FHIT: variants seen among roughly 807,000 people sequenced by gnomAD.
The protein encoded by FHIT is bis(5'-adenosyl)-triphosphatase.
A neutral mutation model predicts 17.9 loss-of-function variants in FHIT; 19 were observed. The observed-to-expected ratio is 1.06, with a 90% CI of 0.74 to 1.56. The LOEUF is 1.56. Among genes scored for constraint, FHIT ranks in the 40% most tolerant of loss-of-function variants. FHIT has a pLI of 0.00. For synonymous variants in FHIT, 81 were observed against 69.7 expected (o/e 1.16, Z -0.81); for missense variants, 248 against 189.2 (o/e 1.31, Z -1.82).
chr3:60,803,083 C>T (rs1447926), intron 4 of FHIT, among the ~76,000 whole-genome samples: 1 of 151,954 alleles, frequency 6.6e-6, no homozygotes, highest in Non-Finnish European at 1.5e-5. Context: ...CTTGCCATTT[C>T]TGGTGATCAG....
chr3:60,690,381 GA>G, intron 4 of FHIT: 2 of 576,614 alleles, frequency 3.5e-6, no homozygotes. Context: ...CAGGGCACAT[GA>G]AAAACTGGGA....
intron 5 of FHIT, among the ~76,000 whole-genome samples, chr3:60,059,329 G>A (rs1047852642): frequency 1.3e-5 from 2 of 152,098 alleles, no homozygotes; most frequent in African/African-American, 4.8e-5. Flanking sequence ...CCTCAGGTGG[G>A]CATACATACA....
intron 2 of FHIT, among the ~76,000 whole-genome samples, chr3:61,121,183 CAGG>C (rs2036446073): frequency 6.6e-6 from 1 of 152,108 alleles, no homozygotes; most frequent in Non-Finnish European, 1.5e-5. Flanking sequence ...GGATATTATC[CAGG>C]AGAACTTCCT....
chr3:60,448,554 G>T (rs1296576859), intron 5 of FHIT, among the ~76,000 whole-genome samples: 1 of 152,160 alleles, frequency 6.6e-6, no homozygotes, highest in African/African-American at 2.4e-5. Context: ...GGAAAATGAA[G>T]CAGAGAGTGG....
intron 5 of FHIT, among the ~76,000 whole-genome samples, chr3:60,392,407 A>T (rs953967253): frequency 2.0e-5 from 3 of 152,230 alleles, no homozygotes; most frequent in African/African-American, 7.2e-5. Flanking sequence ...ACCATGTCGA[A>T]TATGAAGCCT....
At chr3:60,555,858 G>A (rs1051632712) in intron 4 of FHIT, among the ~76,000 whole-genome samples, 12 of 152,182 alleles carry the variant, frequency 7.9e-5, no homozygotes, top group African/African-American at 2.7e-4. Context: ...GGACATTTCT[G>A]TCTGCAGGCA....
At chr3:60,370,610 A>T (rs1253439269) in intron 5 of FHIT, among the ~76,000 whole-genome samples, 1 of 152,098 alleles carries the variant, frequency 6.6e-6, no homozygotes, top group Non-Finnish European at 1.5e-5. Context: ...AGTCACCGAG[A>T]GGTGGACTTA....
In FHIT at chr3:61,132,790, G is replaced by C. The variant is rs184326071; in HGVS notation, c.-164+67827C>G. ...TTGAAAAGTCTTTGAAGCCATTCCA[G>C]AACGTTAAGATCTTACTCTGGAAGC... On this transcript the variant is annotated intron_variant, in intron 2 of 9. Coordinates refer to ENST00000492590, the MANE Select transcript of FHIT (RefSeq NM_002012.4). Among the ~76,000 whole-genome samples the C allele has an allele frequency of 5.9e-5, 9 of 152,248 alleles. No individual in the cohort carries two copies. The East Asian group carries it at 1.7e-3, about 29-fold the overall frequency.
chr3:60,939,360 G>T (rs1191455874), intron 3 of FHIT, among the ~76,000 whole-genome samples: 1 of 152,086 alleles, frequency 6.6e-6, no homozygotes, highest in African/African-American at 2.4e-5. Context: ...ATCATTAACA[G>T]CAGAGTTGAG....
intron 7 of FHIT, among the ~76,000 whole-genome samples, chr3:60,002,288 GTTT>G (rs1165894451): frequency 6.6e-6 from 1 of 152,048 alleles, no homozygotes; most frequent in Admixed American, 6.6e-5. Context: ...GTTTGTGTGT[GTTT>G]TTTTGTTTGT....
chr3:60,711,155 AC>A (rs2041519230), intron 4 of FHIT, among the ~76,000 whole-genome samples: 1 of 152,182 alleles, frequency 6.6e-6, no homozygotes, highest in Admixed American at 6.5e-5. Context: ...GCTGATACCC[AC>A]ACAAACAGGG....
chr3:59,959,950 T>C (rs1208430268), intron 7 of FHIT, among the ~76,000 whole-genome samples: 1 of 151,784 alleles, frequency 6.6e-6, no homozygotes, highest in African/African-American at 2.4e-5. Context: ...TATGTAGAGG[T>C]TCATGGAGGA....
chr3:60,871,256 T>C (rs1173776559), intron 3 of FHIT, among the ~76,000 whole-genome samples: 1 of 152,132 alleles, frequency 6.6e-6, no homozygotes, highest in Non-Finnish European at 1.5e-5. Flanking sequence ...GCCTTCACAG[T>C]GAAACTATAG....
chr3:60,001,879 C>A (rs1312465083), intron 7 of FHIT, among the ~76,000 whole-genome samples: 2 of 152,102 alleles, frequency 1.3e-5, no homozygotes, highest in Non-Finnish European at 2.9e-5. Flanking sequence ...TTACAACCAA[C>A]AGACGAATTT....
At chr3:60,779,829 C>A (rs748731089) in intron 4 of FHIT, among the ~76,000 whole-genome samples, 2 of 152,142 alleles carry the variant, frequency 1.3e-5, no homozygotes, top group Non-Finnish European at 2.9e-5. Context: ...CTGATTAAGC[C>A]AACCCCAAAC....
At position 60,541,060 on chromosome 3, in the gene FHIT, C is replaced by G. The variant is rs138467089; in HGVS notation, c.-17-4081G>C. 5.7e-3 allele frequency among the ~76,000 whole-genome samples: 866 copies of G among 152,266 alleles called. 8 individuals are homozygous for G. Among genetic ancestry groups the G allele is most frequent in the Non-Finnish European group, 6.0e-3 (410 of 68,020 alleles). ...GTCCAGGTGTTTCAGAACCACTGAC[C>G]AAACCCAACTATCCTCCCAATCCCT... On this transcript the variant is annotated intron_variant, in intron 4 of 9. Transcript: ENST00000492590.
chr3:60,771,206 G>C (rs1700029042), intron 4 of FHIT, among the ~76,000 whole-genome samples: 1 of 152,178 alleles, frequency 6.6e-6, no homozygotes, highest in African/African-American at 2.4e-5. Context: ...CTTTGGCTAA[G>C]TCAAAAGCCT....
At chr3:59,898,569 C>T (rs1272337646) in intron 8 of FHIT, among the ~76,000 whole-genome samples, 1 of 151,972 alleles carries the variant, frequency 6.6e-6, no homozygotes, top group African/African-American at 2.4e-5. Flanking sequence ...CATATTTGGG[C>T]TTGGCAACAA....
chr3:59,776,969 A>T (rs780368), intron 8 of FHIT, among the ~76,000 whole-genome samples: 2 of 152,008 alleles, frequency 1.3e-5, no homozygotes, highest in African/African-American at 4.8e-5. Flanking sequence ...CTCCCACCAC[A>T]CATGGAATAA....
Sources: allele counts gnomAD v4.1 joint callset (sites outside exome capture counted in the v4.1 genomes callset), GRCh38; gene constraint gnomAD v4.1.1; transcripts MANE v1.5; gene names NCBI Gene and HGNC (gene_info 2026-07-23, HGNC 2026-07-21).